JAKMIP2: variants seen among roughly 807,000 people sequenced by gnomAD.
JAKMIP2 encodes janus kinase and microtubule-interacting protein 2.
In JAKMIP2, 25 loss-of-function variants were observed where a neutral mutation model predicts 115.0. The ratio of observed to expected loss-of-function variants is 0.22; its 90% confidence interval spans 0.16 to 0.30. The LOEUF is 0.30. Ranked by LOEUF, JAKMIP2 falls within the 10% of genes least tolerant of loss-of-function variation. The pLI, the probability that JAKMIP2 is intolerant of heterozygous loss-of-function variation, is 1.00. For synonymous variants in JAKMIP2, 334 were observed against 343.6 expected (o/e 0.97, Z 0.31); for missense variants, 642 against 957.6 (o/e 0.67, Z 4.35).
At chr5:147,596,066 G>T (rs1285030620) in intron 21 of JAKMIP2, among the ~76,000 whole-genome samples, 2 of 152,184 alleles carry the variant, frequency 1.3e-5, no homozygotes, top group Non-Finnish European at 2.9e-5. Flanking sequence ...AAGTCAGCTT[G>T]GGCAAACCCT....
chr5:147,618,967 C>T (rs1444048151), intron 18 of JAKMIP2, among the ~76,000 whole-genome samples: 3 of 151,948 alleles, frequency 2.0e-5, no homozygotes, highest in East Asian at 3.9e-4. Flanking sequence ...CAAAAAATGA[C>T]CTAAAGTTTT....
chr5:147,629,529 C>A (rs1212164986), intron 15 of JAKMIP2, among the ~76,000 whole-genome samples, 164 bp downstream of exon 15: 1 of 152,100 alleles, frequency 6.6e-6, no homozygotes, highest in Non-Finnish European at 1.5e-5. Context: ...CCTTACAACC[C>A]CTTAGCCAAG....
intron 1 of JAKMIP2, among the ~76,000 whole-genome samples, chr5:147,757,029 G>C (rs1754767413): frequency 6.6e-6 from 1 of 152,116 alleles, no homozygotes; most frequent in Non-Finnish European, 1.5e-5. Context: ...AAAAGGAAGA[G>C]AGTCCCTGTG....
At chr5:147,647,297 A>G (rs963614579) in intron 5 of JAKMIP2, among the ~76,000 whole-genome samples, 1 of 152,124 alleles carries the variant, frequency 6.6e-6, no homozygotes, top group African/African-American at 2.4e-5. Context: ...TTTTGAATGA[A>G]ATAACAATAT....
At chr5:147,746,625 TTAAA>T (rs1754355345) in intron 1 of JAKMIP2, among the ~76,000 whole-genome samples, 1 of 152,068 alleles carries the variant, frequency 6.6e-6, no homozygotes, top group South Asian at 2.1e-4. Context: ...TACTGTAGAA[TTAAA>T]TACTCACCAA....
At chr5:147,665,048 T>G (rs1277435273) in intron 2 of JAKMIP2, among the ~76,000 whole-genome samples, 1 of 152,192 alleles carries the variant, frequency 6.6e-6, no homozygotes, top group African/African-American at 2.4e-5. Context: ...CTCTTGGTGC[T>G]TCAATAAGGA....
chr5:147,645,041 G>C (rs781113701), intron 5 of JAKMIP2, 45 bp from the exon 6 acceptor site: 1 of 1,598,280 alleles, frequency 6.3e-7, no homozygotes, highest in Admixed American at 1.7e-5. Context: ...TTTGGGGGAC[G>C]TGGGGGCAGG....
chr5:147,704,280 C>T (rs1465624575), intron 1 of JAKMIP2, among the ~76,000 whole-genome samples: 1 of 152,118 alleles, frequency 6.6e-6, no homozygotes. Context: ...ACTGGCAATG[C>T]TGTAGATTTG....
chr5:147,675,896 A>G (rs1346186359), intron 1 of JAKMIP2, among the ~76,000 whole-genome samples: 1 of 148,772 alleles, frequency 6.7e-6, no homozygotes, highest in Non-Finnish European at 1.5e-5. Context: ...GCTGAATAAT[A>G]TTCTATTGTA....
rs181869216 is a variant in JAKMIP2, at chr5:147,677,772, T to C, written c.-148-5818A>G. 9.2e-5 allele frequency among the ~76,000 whole-genome samples: 14 copies of C among 152,344 alleles called. No individual in the cohort carries two copies. In the East Asian group the frequency reaches 2.7e-3, roughly 29 times the overall value. On this transcript the variant is annotated intron_variant, in intron 1 of 21. Coordinates refer to ENST00000616793, the MANE Select transcript of JAKMIP2 (RefSeq NM_001270941.2). ...TTTTGAAATATGTATAATTGTGGAA[T>C]GTCTAAATCAAGCAAATTATCATAT...
chr5:147,742,833 T>C (rs981266132), intron 1 of JAKMIP2, among the ~76,000 whole-genome samples: 3 of 152,034 alleles, frequency 2.0e-5, no homozygotes, highest in African/African-American at 7.2e-5. Flanking sequence ...GTGTTAGAAT[T>C]GAAGAAATTA....
At position 147,764,889 on chromosome 5, in the gene JAKMIP2, G is replaced by GGAAAGAAA. The variant is rs758768756; in HGVS notation, c.-149+17559_-149+17566dup. The stretch of plus-strand genomic sequence containing the variant: ...GACAGAGTGAGACTCTGTCTAAAAG[G>GGAAAGAAA]GAAAGAAAGAAAGAAAGAAAGAAAG... On this transcript the variant is annotated intron_variant, in intron 1 of 21. Coordinates refer to ENST00000616793, the MANE Select transcript of JAKMIP2 (RefSeq NM_001270941.2). Among the ~76,000 whole-genome samples, 119 of 60,508 alleles carry GGAAAGAAA rather than the reference G, an allele frequency of 2.0e-3. 11 individuals carry two copies. Among genetic ancestry groups the GGAAAGAAA allele is most frequent in the South Asian group, 3.3e-3 (5 of 1,510 alleles). The allele number at this position is 60,508 out of a possible 152,430, so 39.7% of individuals were successfully genotyped here. A position where few individuals can be genotyped will look rare whatever the true frequency, so the allele number is the denominator to read the frequency against.
intron 1 of JAKMIP2, among the ~76,000 whole-genome samples, chr5:147,680,811 A>G (rs1235667870): frequency 6.6e-6 from 1 of 152,222 alleles, no homozygotes; most frequent in East Asian, 1.9e-4. Flanking sequence ...CCAGTCCAAC[A>G]TTGAAGTTCT....
chr5:147,722,563 T>C (rs908766818), intron 1 of JAKMIP2, among the ~76,000 whole-genome samples: 1 of 152,142 alleles, frequency 6.6e-6, no homozygotes, highest in Non-Finnish European at 1.5e-5. Flanking sequence ...GAGTGAAGAG[T>C]ATTTGACCTG....
chr5:147,604,804 TTATTA>T (rs1755905929), intron 20 of JAKMIP2, among the ~76,000 whole-genome samples: 1 of 3,326 alleles, frequency 3.0e-4, no homozygotes, highest in African/African-American at 3.3e-4. Context: ...AGACATTTTA[TTATTA>T]TTATTATTAT....
intron 1 of JAKMIP2, among the ~76,000 whole-genome samples, chr5:147,781,684 C>T (rs907415370): frequency 6.6e-6 from 1 of 152,088 alleles, no homozygotes; most frequent in Non-Finnish European, 1.5e-5. Flanking sequence ...TCACATTAAT[C>T]CAAATAAAGC....
At chr5:147,648,275 G>T (rs913078132) in intron 5 of JAKMIP2, 101 bp downstream of exon 5, 13 of 656,094 alleles carry the variant, frequency 2.0e-5, no homozygotes, top group African/African-American at 1.5e-4. Flanking sequence ...TTTATTATTT[G>T]TACACTTTTC....
chr5:147,763,785 A>G lies in JAKMIP2; in HGVS notation c.-149+18671T>C, dbSNP rs142965399. Among the ~76,000 whole-genome samples, 627 of 152,276 alleles carry G rather than the reference A, an allele frequency of 4.1e-3. 12 individuals carry two copies. Among genetic ancestry groups the G allele is most frequent in the African/African-American group, 0.014 (596 of 41,576 alleles). On this transcript the variant is annotated intron_variant, in intron 1 of 21. Transcript: ENST00000616793. ...ATCTTCGGGAAGATACCAAGAGAAG[A>G]ATGAAAACTTGGCATGAACAGGGAA...
chr5:147,606,350 A>G (rs557214900), intron 20 of JAKMIP2, among the ~76,000 whole-genome samples: 28 of 152,160 alleles, frequency 1.8e-4, no homozygotes, highest in African/African-American at 6.5e-4. Context: ...ATCTTGAGTT[A>G]ATTTTCGTAT....
Sources: allele counts gnomAD v4.1 joint callset (sites outside exome capture counted in the v4.1 genomes callset), GRCh38; gene constraint gnomAD v4.1.1; transcripts MANE v1.5; gene names NCBI Gene and HGNC (gene_info 2026-07-23, HGNC 2026-07-21).